The following DRC4 variants were observed in gnomAD, a reference collection of about 807,000 sequenced individuals.
The protein encoded by DRC4 is dynein regulatory complex subunit 4.
chr16:90,029,461 A>G, the DRC4 span: 2 of 555,056 alleles, frequency 3.6e-6, no homozygotes, highest in Non-Finnish European at 5.8e-6. Context: ...TGATGGCAAA[A>G]TCTCAACACC....
At chr16:90,023,369 T>C in the DRC4 span, among the ~76,000 whole-genome samples, 26 of 152,092 alleles carry the variant, frequency 1.7e-4, no homozygotes, top group Non-Finnish European at 1.3e-4. Flanking sequence ...ATCAGCTCCA[T>C]GTCTGTCTTT....
At chr16:90,029,189 T>TGGGGCAGCCTACGGAGCAGGCTGC in the DRC4 span, 579 of 1,340,606 alleles carry the variant, frequency 4.3e-4, 7 homozygotes, top group African/African-American at 8.1e-3. Flanking sequence ...GGGCAGGCTA[T>TGGGGCAGCCTACGGAGCAGGCTGC]GGGGCAGCCT....
At chr16:90,027,569 G>A in the DRC4 span, 2 of 1,515,252 alleles carry the variant, frequency 1.3e-6, no homozygotes, top group Non-Finnish European at 1.8e-6. Context: ...GTTCCTGGGA[G>A]CAAATCAGAG....
At chr16:90,024,822 AAAAC>A in the DRC4 span, among the ~76,000 whole-genome samples, 6 of 152,096 alleles carry the variant, frequency 3.9e-5, no homozygotes, top group African/African-American at 1.4e-4. Flanking sequence ...AACAAAAACA[AAAAC>A]AAAAAACAAA....
At chr16:90,027,298 CG>C in the DRC4 span, among the ~76,000 whole-genome samples, 1 of 151,896 alleles carries the variant, frequency 6.6e-6, no homozygotes, top group African/African-American at 2.4e-5. Flanking sequence ...CTGTGTTAGC[CG>C]GGATGGTCTT....
the DRC4 span, chr16:90,042,525 AG>A: frequency 6.2e-7 from 1 of 1,613,460 alleles, no homozygotes; most frequent in Non-Finnish European, 8.5e-7. Context: ...GAGCTGGCCC[AG>A]GTCTGTAAGG....
the DRC4 span, chr16:90,020,066 G>A: frequency 1.5e-6 from 1 of 674,290 alleles, no homozygotes; most frequent in Non-Finnish European, 2.7e-6. Context: ...CCAGCTCCTG[G>A]CCTGGGCCAC....
the DRC4 span, among the ~76,000 whole-genome samples, chr16:90,021,552 G>A: frequency 2.6e-5 from 4 of 151,856 alleles, no homozygotes; most frequent in African/African-American, 9.7e-5. Context: ...CCAAGTAGAT[G>A]ACCACTTTTT....
the DRC4 span, chr16:90,027,641 G>T: frequency 6.2e-7 from 1 of 1,613,924 alleles, no homozygotes; most frequent in South Asian, 1.1e-5. Flanking sequence ...CAAAGGCACC[G>T]AAAAAGAAAG....
chr16:90,028,454 C>G, the DRC4 span, among the ~76,000 whole-genome samples: 8 of 152,132 alleles, frequency 5.3e-5, no homozygotes, highest in African/African-American at 1.9e-4. Flanking sequence ...TCCCAAAGTG[C>G]TGGGATTACA....
the DRC4 span, chr16:90,029,313 CT>C: frequency 7.3e-7 from 1 of 1,365,270 alleles, no homozygotes; most frequent in Non-Finnish European, 9.8e-7. Flanking sequence ...GACCTGGAGA[CT>C]CCTGCCCCGC....
chr16:90,020,044 A>T, the DRC4 span: 27 of 689,240 alleles, frequency 3.9e-5, no homozygotes, highest in African/African-American at 3.5e-4. Flanking sequence ...TATCGCCCAG[A>T]TTCAGCGATT....
At chr16:90,033,282 G>A in the DRC4 span, among the ~76,000 whole-genome samples, 2 of 152,284 alleles carry the variant, frequency 1.3e-5, no homozygotes, top group South Asian at 4.1e-4. Context: ...AATATCCAGT[G>A]TGTTGACTCC....
the DRC4 span, chr16:90,029,557 G>A: frequency 4.1e-5 from 13 of 313,834 alleles, no homozygotes; most frequent in Non-Finnish European, 8.3e-5. Flanking sequence ...GACATTTGTC[G>A]TTGTGCCGAG....
chr16:90,039,592 G>A, the DRC4 span, among the ~76,000 whole-genome samples: 2 of 151,988 alleles, frequency 1.3e-5, no homozygotes, highest in South Asian at 4.2e-4. Context: ...TCACTCTGTT[G>A]GCCAGGCTGG....
the DRC4 span, chr16:90,043,565 C>A: frequency 1.7e-6 from 1 of 599,458 alleles, no homozygotes; most frequent in South Asian, 1.9e-5. Flanking sequence ...GGGTGCCGCA[C>A]GTCCAGCCTG....
At chr16:90,019,674 C>G in the DRC4 span, 1 of 532,764 alleles carries the variant, frequency 1.9e-6, no homozygotes, top group South Asian at 2.4e-5. The surrounding 1 kb of genome is among the most constrained non-coding windows in gnomAD (Gnocchi z 6.1). Flanking sequence ...ACCACCGGGA[C>G]CTGGCTGCGC....
the DRC4 span, chr16:90,039,990 C>T: frequency 2.4e-6 from 1 of 410,328 alleles, no homozygotes; most frequent in Non-Finnish European, 4.6e-6. Context: ...CTGGCCTCGG[C>T]CACCCATGAA....
the DRC4 span, chr16:90,035,521 T>C: frequency 2.7e-5 from 36 of 1,352,820 alleles, no homozygotes; most frequent in South Asian, 3.9e-4. Flanking sequence ...TTGAGGGAGG[T>C]GAGTTAGGGA....
Sources: gnomAD v4.1 joint callset for allele counts (sites outside exome capture counted in the v4.1 genomes callset) on GRCh38, gnomAD v4.1.1 for gene constraint, Gnocchi (gnomAD v3.1) non-coding constraint, MANE v1.5 for transcripts, NCBI Gene and HGNC (gene_info 2026-07-23, HGNC 2026-07-21) for gene names.